Variants in MTHFD2L observed in about 807,000 individuals in gnomAD.
MTHFD2L encodes methylenetetrahydrofolate dehydrogenase (NADP+ dependent) 2 like.
In MTHFD2L, 29 loss-of-function variants were observed where a neutral mutation model predicts 34.9. The observed-to-expected ratio is 0.83, with a 90% confidence interval of 0.62 to 1.13. The LOEUF is 1.13. Ranked by LOEUF, MTHFD2L falls within the 50% of genes most tolerant of loss-of-function variation. The pLI is 0.00. For synonymous variants in MTHFD2L, 167 were observed against 155.7 expected (o/e 1.07, Z -0.54); for missense variants, 481 against 446.5 (o/e 1.08, Z -0.70).
intron 6 of MTHFD2L, among the ~76,000 whole-genome samples, chr4:74,271,002 A>G (rs1745909637): frequency 1.3e-5 from 2 of 152,070 alleles, no homozygotes; most frequent in East Asian, 1.9e-4. Flanking sequence ...TCCTTCGCCC[A>G]CTTGTTGATG....
intron 7 of MTHFD2L, among the ~76,000 whole-genome samples, chr4:74,297,972 G>A (rs949603230): frequency 6.6e-6 from 1 of 151,954 alleles, no homozygotes; most frequent in African/African-American, 2.4e-5. Flanking sequence ...TGATCCTTAC[G>A]TAAATGGGCA....
chr4:74,268,729 A>T (rs1745608474), intron 6 of MTHFD2L, among the ~76,000 whole-genome samples: 1 of 152,084 alleles, frequency 6.6e-6, no homozygotes, highest in Non-Finnish European at 1.5e-5. Flanking sequence ...ATTCATGTAA[A>T]CTCAATTCTG....
intron 6 of MTHFD2L, chr4:74,266,812 G>A: frequency 1.0e-6 from 1 of 980,488 alleles, no homozygotes; most frequent in African/African-American, 1.7e-5. Flanking sequence ...AATGCTTAAA[G>A]GTTGTAGGAG....
chr4:74,263,298 G>T (rs1744902497), intron 6 of MTHFD2L, among the ~76,000 whole-genome samples: 1 of 151,862 alleles, frequency 6.6e-6, no homozygotes, highest in Admixed American at 6.6e-5. Flanking sequence ...GCTTAAGATT[G>T]CCTTGGCTAT....
intron 5 of MTHFD2L, among the ~76,000 whole-genome samples, chr4:74,215,230 G>A (rs901216662): frequency 4.6e-5 from 7 of 151,728 alleles, no homozygotes; most frequent in Admixed American, 1.3e-4. Context: ...TGTTCCAAGC[G>A]ACACTGGGAT....
At chr4:74,123,043 T>C (rs975798360), upstream of MTHFD2L, among the ~76,000 whole-genome samples, 3 of 152,146 alleles carry the variant, frequency 2.0e-5, no homozygotes, top group Non-Finnish European at 4.4e-5. Context: ...AATAATCAAA[T>C]TGAGAGGTGT....
At chr4:74,293,497 G>A (rs1372577583) in intron 7 of MTHFD2L, 6 of 981,702 alleles carry the variant, frequency 6.1e-6, no homozygotes, top group Middle Eastern at 5.2e-4. Context: ...AGGATGCCAC[G>A]ATAATGAACA....
chr4:74,155,604 T>A (rs1724187055), upstream of MTHFD2L, among the ~76,000 whole-genome samples: 1 of 152,036 alleles, frequency 6.6e-6, no homozygotes. Context: ...TGAAAGCATG[T>A]CAAACTTTAG....
At chr4:74,216,337 T>C (rs1343453924) in intron 5 of MTHFD2L, among the ~76,000 whole-genome samples, 1 of 151,804 alleles carries the variant, frequency 6.6e-6, no homozygotes, top group Non-Finnish European at 1.5e-5. Flanking sequence ...GCTTTAAAAA[T>C]AGAGCTACCT....
At chr4:74,246,354 G>A (rs62312512) in intron 6 of MTHFD2L, among the ~76,000 whole-genome samples, 34,709 of 150,900 alleles carry the variant, frequency 0.23, 4,040 homozygotes, top group Admixed American at 0.28. Flanking sequence ...ATTTGTTTGA[G>A]TTCATTGTAG....
intron 6 of MTHFD2L, among the ~76,000 whole-genome samples, chr4:74,244,390 A>G (rs965491413): frequency 6.6e-6 from 1 of 152,200 alleles, no homozygotes. Context: ...AAAGTCTAGT[A>G]ATAGGTTCCA....
chr4:74,128,614 A>G (rs78708399), intron 1 of MTHFD2L, among the ~76,000 whole-genome samples: 3,035 of 152,124 alleles, frequency 0.02, 42 homozygotes, highest in Admixed American at 0.039. Context: ...TTTGGTTACC[A>G]TACCTTTGTA....
intron 6 of MTHFD2L, chr4:74,267,041 T>G (rs1214009529): frequency 7.1e-6 from 7 of 985,294 alleles, no homozygotes; most frequent in Non-Finnish European, 8.4e-6. Context: ...CTCTACCTCT[T>G]TTCAACTAAT....
upstream of MTHFD2L, among the ~76,000 whole-genome samples, chr4:74,118,391 T>C (rs1353724876): frequency 1.3e-5 from 2 of 152,204 alleles, no homozygotes; most frequent in African/African-American, 4.8e-5. Flanking sequence ...GTGCACAGTA[T>C]ACCAGGAACT....
At chr4:74,148,081 T>C (rs951092375) in intron 1 of MTHFD2L, among the ~76,000 whole-genome samples, 6 of 152,180 alleles carry the variant, frequency 3.9e-5, no homozygotes, top group African/African-American at 1.4e-4. Flanking sequence ...CTTTTGGTTA[T>C]GGATATCCAG....
chr4:74,168,529 G>C (rs1267400600), intron 1 of MTHFD2L, among the ~76,000 whole-genome samples: 3 of 152,044 alleles, frequency 2.0e-5, no homozygotes, highest in Non-Finnish European at 4.4e-5. Flanking sequence ...TTAAATACTT[G>C]TTGTTTTTCA....
intron 7 of MTHFD2L, among the ~76,000 whole-genome samples, chr4:74,286,424 A>C (rs1430776476): frequency 1.3e-5 from 2 of 152,212 alleles, no homozygotes; most frequent in Non-Finnish European, 2.9e-5. Context: ...CTTAGAAAGA[A>C]ACTTCATACA....
intron 5 of MTHFD2L, among the ~76,000 whole-genome samples, chr4:74,222,216 A>G (rs985050862): frequency 6.6e-6 from 1 of 151,990 alleles, no homozygotes; most frequent in Non-Finnish European, 1.5e-5. Flanking sequence ...GACCATTTAC[A>G]TTTGTCTGCG....
chr4:74,213,021 CTT>C (rs963250765), intron 5 of MTHFD2L, among the ~76,000 whole-genome samples: 2 of 143,886 alleles, frequency 1.4e-5, no homozygotes, highest in Non-Finnish European at 1.5e-5. Flanking sequence ...GCAACCCCTG[CTT>C]TTTTTTTTTG....
Sources: allele counts gnomAD v4.1 joint callset (sites outside exome capture counted in the v4.1 genomes callset), GRCh38; gene constraint gnomAD v4.1.1; transcripts MANE v1.5; gene names NCBI Gene and HGNC (gene_info 2026-07-23, HGNC 2026-07-21).